The following HNMT variants were observed in gnomAD, a reference collection of about 807,000 sequenced individuals.
HNMT encodes the protein histamine N-methyltransferase.
A neutral mutation model predicts 32.1 loss-of-function variants in HNMT; 30 were observed. The ratio of observed to expected loss-of-function variants is 0.93; its 90% confidence interval spans 0.70 to 1.27. HNMT has a LOEUF of 1.27. Ranked by LOEUF, HNMT falls within the 50% of genes most tolerant of loss-of-function variation. The pLI, the probability that HNMT is intolerant of heterozygous loss-of-function variation, is 0.00. For missense variants in HNMT, 327 were observed against 346.0 expected (o/e 0.95, Z 0.43); for synonymous variants, 125 against 119.0 (o/e 1.05, Z -0.33).
chr2:137,984,348 T>C (rs1471036380), intron 2 of HNMT, among the ~76,000 whole-genome samples: 7 of 152,208 alleles, frequency 4.6e-5, no homozygotes, highest in African/African-American at 1.7e-4. Context: ...ATGAAGTTTC[T>C]CTATCTGAAT....
In HNMT at chr2:138,000,367, T is replaced by C. The variant is rs543150359; in HGVS notation, c.191-551T>C. ...TTCAACTGAGCCAGGGCTATTTCTG[T>C]GTCTGTGAACAGGTAATAGTGTTTA... On this transcript the variant is annotated intron_variant, in intron 2 of 5. Coordinates refer to ENST00000280097, the MANE Select transcript of HNMT (RefSeq NM_006895.3). 2.6e-5 allele frequency among the ~76,000 whole-genome samples: 4 copies of C among 152,090 alleles called. No individual in the cohort carries two copies. The South Asian group carries it at 8.3e-4, about 32-fold the overall frequency.
chr2:137,989,776 G>A (rs1422569342), intron 2 of HNMT, among the ~76,000 whole-genome samples: 3 of 152,154 alleles, frequency 2.0e-5, no homozygotes, highest in South Asian at 4.1e-4. Flanking sequence ...TTAGTGCTCT[G>A]GATTTTGGCC....
At chr2:137,989,796 G>A (rs1377535655) in intron 2 of HNMT, among the ~76,000 whole-genome samples, 5 of 152,184 alleles carry the variant, frequency 3.3e-5, no homozygotes, top group African/African-American at 1.2e-4. Flanking sequence ...CCTTCCAGGT[G>A]TGTAATGGTA....
At chr2:137,980,483 T>A (rs2104942487) in intron 2 of HNMT, among the ~76,000 whole-genome samples, 1 of 152,360 alleles carries the variant, frequency 6.6e-6, no homozygotes, top group South Asian at 2.1e-4. Context: ...ATGATGCTGA[T>A]CAAGAGAATG....
At chr2:138,001,363 C>A (rs1356326492) in intron 3 of HNMT, among the ~76,000 whole-genome samples, 1 of 152,140 alleles carries the variant, frequency 6.6e-6, no homozygotes, top group Non-Finnish European at 1.5e-5. Context: ...TAAAAGTTCA[C>A]AAACTTTTCC....
At chr2:138,005,704 A>G (rs576008661) in intron 5 of HNMT, among the ~76,000 whole-genome samples, 1 of 152,206 alleles carries the variant, frequency 6.6e-6, no homozygotes, top group East Asian at 1.9e-4. Flanking sequence ...TCAAATGCCT[A>G]TCAAAAACAG....
chr2:137,981,233 A>G (rs1438124675), intron 2 of HNMT: 7 of 1,613,422 alleles, frequency 4.3e-6, no homozygotes, highest in Non-Finnish European at 4.2e-6. Context: ...CATTCGGGGA[A>G]GCTCCAGGGT....
intron 2 of HNMT, among the ~76,000 whole-genome samples, chr2:137,975,874 T>G (rs1423530919): frequency 6.6e-6 from 1 of 152,202 alleles, no homozygotes; most frequent in East Asian, 1.9e-4. Flanking sequence ...ATTGTGCTTA[T>G]TGCCATTTTC....
chr2:138,000,441 T>C (rs1378322), intron 2 of HNMT, among the ~76,000 whole-genome samples: 1,609 of 150,260 alleles, frequency 0.011, 69 homozygotes, highest in Admixed American at 0.086. Context: ...ACCTGACATA[T>C]GCTTGTACCC....
rs1009182257 is a variant in HNMT at position 137,978,269 on chromosome 2, C to T, written c.190+8052C>T. 1.5e-4 allele frequency among the ~76,000 whole-genome samples: 22 copies of T among 148,418 alleles called. 1 individual carries two copies. In the South Asian group the frequency reaches 2.3e-3, roughly 16 times the overall value. ...AGTGAATTTTAAGTATATTTATATA[C>T]GTATATATTAACTATACTACAGTTA... On this transcript the variant is annotated intron_variant, in intron 2 of 5. Coordinates refer to ENST00000280097, the MANE Select transcript of HNMT (RefSeq NM_006895.3).
chr2:138,007,359 T>C lies in HNMT; in HGVS notation c.523+2134T>C, dbSNP rs551013763. Reference sequence around the variant, plus strand: ...TAAGTTAATTTTTTTTAAAACCTACTTTTCCCAATAATGAATACTTTGCAG... The same window carrying C: ...TAAGTTAATTTTTTTTAAAACCTACCTTTCCCAATAATGAATACTTTGCAG... On this transcript the variant is annotated intron_variant, in intron 5 of 5. Coordinates refer to ENST00000280097, the MANE Select transcript of HNMT (RefSeq NM_006895.3). 2.6e-5 allele frequency among the ~76,000 whole-genome samples: 4 copies of C among 152,074 alleles called. No homozygotes were observed. The East Asian group carries it at 7.7e-4, about 29-fold the overall frequency.
At chr2:137,964,759 C>T in intron 1 of HNMT, 131 bp downstream of exon 1, 2 of 849,072 alleles carry the variant, frequency 2.4e-6, no homozygotes, top group East Asian at 2.5e-5. Context: ...AGCTCCCCGT[C>T]GTCCCCTCCT....
At chr2:137,972,573 C>A (rs186973724) in intron 2 of HNMT, among the ~76,000 whole-genome samples, 1 of 151,962 alleles carries the variant, frequency 6.6e-6, no homozygotes, top group Non-Finnish European at 1.5e-5. Context: ...ATGAACAATA[C>A]CATAGAGGGT....
At chr2:138,007,491 C>T (rs149426139) in intron 5 of HNMT, among the ~76,000 whole-genome samples, 254 of 152,066 alleles carry the variant, frequency 1.7e-3, no homozygotes, top group African/African-American at 5.8e-3. Context: ...ATCCTATCGG[C>T]ATGTCATACT....
intron 5 of HNMT, among the ~76,000 whole-genome samples, chr2:138,012,549 T>C (rs1207172660): frequency 6.6e-6 from 1 of 152,162 alleles, no homozygotes; most frequent in Admixed American, 6.6e-5. Context: ...TACTGTGCTC[T>C]TTCTTTCCAT....
intron 5 of HNMT, among the ~76,000 whole-genome samples, chr2:138,009,416 T>C (rs1290832838): frequency 6.6e-6 from 1 of 151,996 alleles, no homozygotes; most frequent in Non-Finnish European, 1.5e-5. Context: ...ATCCCTTTTG[T>C]TCTATTTCTA....
chr2:138,002,413 T>A, intron 4 of HNMT: 1 of 943,230 alleles, frequency 1.1e-6, no homozygotes, highest in Non-Finnish European at 1.3e-6. Flanking sequence ...TCAAAATACC[T>A]CTACAAGTTA....
At chr2:137,985,447 C>T (rs918384168) in intron 2 of HNMT, among the ~76,000 whole-genome samples, 2 of 152,134 alleles carry the variant, frequency 1.3e-5, no homozygotes, top group East Asian at 1.9e-4. Flanking sequence ...TTTAAACATG[C>T]TTTTTTAAAT....
At chr2:138,002,751 A>G in intron 4 of HNMT, 1 of 950,842 alleles carries the variant, frequency 1.1e-6, no homozygotes, top group South Asian at 4.9e-5. Flanking sequence ...CCAGTCTTTA[A>G]TTTATTTTTA....
Sources: gnomAD v4.1 joint callset for allele counts (sites outside exome capture counted in the v4.1 genomes callset) on GRCh38, gnomAD v4.1.1 for gene constraint, MANE v1.5 for transcripts, NCBI Gene and HGNC (gene_info 2026-07-23, HGNC 2026-07-21) for gene names.